The following VEPH1 variants were observed in gnomAD, a reference collection of about 807,000 sequenced individuals.
VEPH1 encodes ventricular zone-expressed PH domain-containing protein homolog 1.
Under a neutral mutation model 85.2 loss-of-function variants are expected in VEPH1, and 80 were observed. That is an observed-to-expected ratio of 0.94 (90% CI 0.78 to 1.13). VEPH1 has a LOEUF of 1.13. VEPH1 is among the 50% of genes most tolerant of loss of function. The pLI, the probability that VEPH1 is intolerant of heterozygous loss-of-function variation, is 0.00. For synonymous variants in VEPH1, 297 were observed against 348.0 expected (o/e 0.85, Z 1.63); for missense variants, 955 against 980.5 (o/e 0.97, Z 0.35).
At chr3:157,438,621 C>G (rs1733867830) in intron 4 of VEPH1, among the ~76,000 whole-genome samples, 1 of 152,012 alleles carries the variant, frequency 6.6e-6, no homozygotes, top group African/African-American at 2.4e-5. Flanking sequence ...TAGGGGATCC[C>G]AGCTCCACCC....
chr3:157,484,483 G>A (rs997387247), intron 2 of VEPH1, among the ~76,000 whole-genome samples: 2 of 152,118 alleles, frequency 1.3e-5, no homozygotes, highest in South Asian at 2.1e-4. Context: ...CTTTTAAAAT[G>A]TATACTTCAG....
chr3:157,343,836 A>C (rs1189472790), intron 9 of VEPH1, among the ~76,000 whole-genome samples: 1 of 152,210 alleles, frequency 6.6e-6, no homozygotes, highest in Non-Finnish European at 1.5e-5. Context: ...ACCATGATCA[A>C]GTGGGTTTCA....
intron 9 of VEPH1, among the ~76,000 whole-genome samples, chr3:157,337,244 A>G (rs1287097996): frequency 6.6e-6 from 1 of 152,088 alleles, no homozygotes; most frequent in Non-Finnish European, 1.5e-5. Context: ...AATGTTACTT[A>G]TAAAGAGAAA....
chr3:157,301,880 T>A (rs919429050), intron 11 of VEPH1, among the ~76,000 whole-genome samples: 1 of 152,238 alleles, frequency 6.6e-6, no homozygotes, highest in African/African-American at 2.4e-5. Flanking sequence ...CTAATCTATA[T>A]TCCTGGCCTA....
intron 11 of VEPH1, among the ~76,000 whole-genome samples, chr3:157,301,754 A>G (rs1032025808): frequency 1.2e-4 from 18 of 151,740 alleles, no homozygotes; most frequent in South Asian, 2.1e-4. Context: ...AGGTTCTTTT[A>G]TTTCTTGGCT....
intron 4 of VEPH1, among the ~76,000 whole-genome samples, chr3:157,459,028 G>T (rs79741409): frequency 3.3e-5 from 5 of 152,136 alleles, no homozygotes; most frequent in African/African-American, 1.2e-4. Context: ...CACTGCTCTG[G>T]GGCCTCTCTA....
chr3:157,313,207 AT>A (rs569271901), intron 11 of VEPH1, among the ~76,000 whole-genome samples: 16 of 147,996 alleles, frequency 1.1e-4, no homozygotes, highest in East Asian at 2.0e-4. Flanking sequence ...CCCGGCCAAC[AT>A]TTTTTTTTTA....
intron 2 of VEPH1, among the ~76,000 whole-genome samples, chr3:157,476,094 T>G (rs1361728773): frequency 6.6e-6 from 1 of 152,190 alleles, no homozygotes; most frequent in Non-Finnish European, 1.5e-5. Context: ...GTCACTCCAG[T>G]GTGATCCAGT....
chr3:157,364,602 A>G, intron 7 of VEPH1, 90 bp from the exon 8 acceptor site: 1 of 1,254,462 alleles, frequency 8.0e-7, no homozygotes, highest in Non-Finnish European at 1.1e-6. Context: ...CTCACTCAGA[A>G]GCAAAAGCTT....
chr3:157,364,776 T>G (rs1323621310), intron 7 of VEPH1, among the ~76,000 whole-genome samples: 1 of 152,220 alleles, frequency 6.6e-6, no homozygotes, highest in African/African-American at 2.4e-5. Flanking sequence ...TAAAAAGCAG[T>G]TTTTATGCTC....
intron 6 of VEPH1, among the ~76,000 whole-genome samples, chr3:157,387,213 C>T (rs549074786): frequency 6.6e-6 from 1 of 152,046 alleles, no homozygotes; most frequent in South Asian, 2.1e-4. Context: ...TTTTTTAATA[C>T]TACTACTCCA....
chr3:157,404,759 T>C (rs1300000044), intron 6 of VEPH1, among the ~76,000 whole-genome samples: 1 of 152,154 alleles, frequency 6.6e-6, no homozygotes, highest in Admixed American at 6.5e-5. Flanking sequence ...GGGGAAGCCA[T>C]AGGCAAAGAA....
rs1732902603 is a variant in VEPH1 at position 157,428,378 on chromosome 3, C to G, written c.640G>C (p.Glu214Gln). Residue 214 changes from glutamate (E) to glutamine (Q), a missense_variant, in exon 5 of 14, where the codon GAA (glutamate) becomes CAA (glutamine). Coordinates refer to ENST00000362010, the MANE Select transcript of VEPH1 (RefSeq NM_001167912.2). The stretch of plus-strand genomic sequence containing the variant: ...AAAAGCCGTAGTAGATGGTACTGTT[C>G]TGGCTGTTCCAGCTGAGACATCAAG... ...LALMSQLEQP[E>Q]QYHLLRLLHV... is the part of the protein sequence containing the mutation. 2 of 1,613,380 alleles carry G rather than the reference C, an allele frequency of 1.2e-6. No individual in the cohort carries two copies. The highest frequency in any genetic ancestry group is 1.3e-5 in the African/African-American group (1 of 74,898).
intron 12 of VEPH1, among the ~76,000 whole-genome samples, chr3:157,281,581 C>A (rs973108581): frequency 6.6e-6 from 1 of 151,832 alleles, no homozygotes; most frequent in Non-Finnish European, 1.5e-5. Flanking sequence ...GCTTGCCACC[C>A]GGCTGGAGTG....
chr3:157,277,478 T>G (rs1365096666), intron 12 of VEPH1, among the ~76,000 whole-genome samples: 4 of 152,240 alleles, frequency 2.6e-5, no homozygotes, highest in Non-Finnish European at 1.5e-5. Context: ...ACCATTGTCC[T>G]ACCTGCCTGT....
At chr3:157,372,953 T>C (rs1244491244) in intron 7 of VEPH1, among the ~76,000 whole-genome samples, 1 of 152,238 alleles carries the variant, frequency 6.6e-6, no homozygotes, top group Non-Finnish European at 1.5e-5. Flanking sequence ...ACTGGTCTAG[T>C]GGATATGCCA....
chr3:157,407,624 A>T (rs1227616434), intron 6 of VEPH1, among the ~76,000 whole-genome samples: 2 of 152,110 alleles, frequency 1.3e-5, no homozygotes, highest in Non-Finnish European at 2.9e-5. Flanking sequence ...GACTGGTCCC[A>T]CATATGCCTA....
chr3:157,274,018 C>T (rs1156445094), intron 12 of VEPH1, among the ~76,000 whole-genome samples: 1 of 152,206 alleles, frequency 6.6e-6, no homozygotes, highest in Admixed American at 6.5e-5. Flanking sequence ...GAATCTGCCA[C>T]TTACCAGCTG....
chr3:157,469,154 T>C (rs763149738), intron 3 of VEPH1, among the ~76,000 whole-genome samples: 2 of 152,210 alleles, frequency 1.3e-5, no homozygotes, highest in Admixed American at 1.3e-4. Flanking sequence ...GCACTATTCA[T>C]CTTTTGTTAA....
Sources: allele counts gnomAD v4.1 joint callset (sites outside exome capture counted in the v4.1 genomes callset), GRCh38; gene constraint gnomAD v4.1.1; transcripts MANE v1.5; gene names NCBI Gene and HGNC (gene_info 2026-07-23, HGNC 2026-07-21).